The following PTP4A2 variants were observed in gnomAD, a reference collection of about 807,000 sequenced individuals.
The protein encoded by PTP4A2 is protein tyrosine phosphatase 4A2.
Under a neutral mutation model 22.9 loss-of-function variants are expected in PTP4A2, and 2 were observed. The observed-to-expected ratio is 0.09, with a 90% CI of 0.04 to 0.27. The LOEUF (loss-of-function observed/expected upper bound fraction) is 0.27, where lower values mean the gene tolerates loss of function less well. PTP4A2 is among the 10% of genes least tolerant of loss of function. The pLI is 1.00. For synonymous variants in PTP4A2, 68 were observed against 69.1 expected (o/e 0.98, Z 0.08); for missense variants, 103 against 205.1 (o/e 0.50, Z 3.04).
intron 2 of PTP4A2, among the ~76,000 whole-genome samples, chr1:31,918,721 ATGTT>A (rs1165680640): frequency 6.6e-6 from 1 of 152,232 alleles, no homozygotes; most frequent in Non-Finnish European, 1.5e-5. Flanking sequence ...TCATTACTGA[ATGTT>A]TGACCAAAAA....
intron 1 of PTP4A2, among the ~76,000 whole-genome samples, chr1:31,928,899 T>A (rs1211098728): frequency 6.6e-6 from 1 of 152,016 alleles, no homozygotes; most frequent in Non-Finnish European, 1.5e-5. Flanking sequence ...GGCCAGCCAC[T>A]CAGAAAGATA....
intron 1 of PTP4A2, among the ~76,000 whole-genome samples, chr1:31,928,458 G>A (rs1652576651): frequency 6.6e-6 from 1 of 151,502 alleles, no homozygotes; most frequent in Non-Finnish European, 1.5e-5. Context: ...CCAGCACTTT[G>A]GAAGGCCAAG....
intron 1 of PTP4A2, among the ~76,000 whole-genome samples, chr1:31,929,579 T>C (rs1652631334): frequency 1.3e-5 from 2 of 152,186 alleles, no homozygotes; most frequent in Admixed American, 6.5e-5. Flanking sequence ...ATAGGAACTA[T>C]CTCCAATTCA....
intron 3 of PTP4A2, chr1:31,913,040 A>T (rs1350685317): frequency 2.2e-6 from 1 of 454,098 alleles, no homozygotes; most frequent in African/African-American, 2.0e-5. Context: ...AAGAAACAAT[A>T]TAAAACATGC....
intron 2 of PTP4A2, among the ~76,000 whole-genome samples, chr1:31,917,067 C>T (rs1250583637): frequency 6.6e-6 from 1 of 152,230 alleles, no homozygotes; most frequent in East Asian, 1.9e-4. Flanking sequence ...CCAGTGACTA[C>T]CTATCTTCAA....
chr1:31,918,397 C>T (rs12072766), intron 2 of PTP4A2, among the ~76,000 whole-genome samples: 1 of 152,152 alleles, frequency 6.6e-6, no homozygotes, highest in Non-Finnish European at 1.5e-5. Flanking sequence ...CCCTTGTATA[C>T]GATTATTACA....
At position 31,907,127 on chromosome 1, in the gene PTP4A2, A is replaced by G. The variant is rs1380788454; in HGVS notation, c.*1725T>C. ...CACATAGCCGGTCAACATGTGAGGT[A>G]TCATCAGTGTGAGACAAGGTCCCGG... On this transcript the variant is annotated 3_prime_UTR_variant, in exon 6 of 6. Transcript: ENST00000647444. The G allele has an allele frequency of 6.6e-6, 1 of 152,222 alleles. No homozygotes were observed. The highest frequency in any genetic ancestry group is 1.5e-5 in the Non-Finnish European group (1 of 68,042). 9.4% of individuals were successfully genotyped at this position (152,222 alleles called of 1,614,324 possible). A position where few individuals can be genotyped will look rare whatever the true frequency, so the allele number is the denominator to read the frequency against.
chr1:31,928,426 G>A (rs1020555266), intron 1 of PTP4A2, among the ~76,000 whole-genome samples: 3 of 151,460 alleles, frequency 2.0e-5, no homozygotes, highest in Admixed American at 1.3e-4. Context: ...TTGGCCGGGC[G>A]CGATGGCTTA....
At chr1:31,916,011 ATGG>A in intron 2 of PTP4A2, 24 bp from the exon 3 acceptor site, 1 of 1,469,326 alleles carries the variant, frequency 6.8e-7, no homozygotes, top group Non-Finnish European at 9.3e-7. Flanking sequence ...AAAAATTATA[ATGG>A]AACTTGTTTT....
chr1:31,937,292 CAGA>C (rs1213904563), intron 1 of PTP4A2, among the ~76,000 whole-genome samples: 1 of 152,084 alleles, frequency 6.6e-6, no homozygotes, highest in African/African-American at 2.4e-5. Flanking sequence ...ATCCCAGAGC[CAGA>C]AGATCATAGT....
rs56981526 is a variant in PTP4A2 at position 31,908,236 on chromosome 1, GTTTTTT to G, written c.*610_*615del. 1.5e-4 allele frequency: 7 copies of G among 47,824 alleles called. No homozygotes were observed. Among genetic ancestry groups the G allele is most frequent in the African/African-American group, 6.2e-4 (7 of 11,244 alleles). 3.0% of individuals were successfully genotyped at this position (47,824 alleles called of 1,614,324 possible). On this transcript the variant is annotated 3_prime_UTR_variant, in exon 6 of 6. Transcript: ENST00000647444. ...TGCTGTTTTTTTGGTGTTGTTTTTTGTTTTTTTTTTTTTTTTATCTAAAAGTGCCCA... is the reference window on the plus strand; with the variant it reads ...TGCTGTTTTTTTGGTGTTGTTTTTTGTTTTTTTTTTATCTAAAAGTGCCCA...
chr1:31,918,874 T>C, intron 2 of PTP4A2, 96 bp downstream of exon 2: 1 of 739,172 alleles, frequency 1.4e-6, no homozygotes, highest in Non-Finnish European at 2.4e-6. Context: ...GCAGGATGAC[T>C]CCAAATACAG....
In PTP4A2 at chr1:31,908,582, C is replaced by T. The variant is rs111570278; in HGVS notation, c.*270G>A. On this transcript the variant is annotated 3_prime_UTR_variant, in exon 6 of 6. Transcript: ENST00000647444. ...CAGGAGATTTCAAAATAATTCAATC[C>T]TGGCAGAAATTCAAACTCCAAAACT... 4,740 of 299,166 alleles carry T rather than the reference C, an allele frequency of 0.016. 211 individuals are homozygous for T. Among genetic ancestry groups the T allele is most frequent in the African/African-American group, 0.093 (4,217 of 45,454 alleles). 18.5% of individuals were successfully genotyped at this position (299,166 alleles called of 1,614,324 possible).
intron 2 of PTP4A2, among the ~76,000 whole-genome samples, chr1:31,917,834 T>C (rs575408594): frequency 2.1e-5 from 3 of 142,076 alleles, no homozygotes; most frequent in African/African-American, 8.0e-5. Context: ...ATTAGCTGGG[T>C]GTGGTGGCGC....
intron 1 of PTP4A2, among the ~76,000 whole-genome samples, chr1:31,928,224 AT>A (rs1652560573): frequency 9.7e-6 from 1 of 102,804 alleles, no homozygotes; most frequent in South Asian, 4.5e-4. Flanking sequence ...TATAAATATA[AT>A]AATATAATAT....
intron 2 of PTP4A2, among the ~76,000 whole-genome samples, chr1:31,916,282 T>C (rs1274306378): frequency 6.9e-6 from 1 of 144,234 alleles, no homozygotes; most frequent in Admixed American, 7.2e-5. Flanking sequence ...GAGGCAGATA[T>C]TGCAGTGAGC....
chr1:31,928,119 A>G (rs779491273), intron 1 of PTP4A2, among the ~76,000 whole-genome samples: 99 of 149,702 alleles, frequency 6.6e-4, no homozygotes, highest in Non-Finnish European at 1.2e-3. Context: ...CATTTATCAA[A>G]CTAAAATAAT....
At chr1:31,934,885 T>G (rs978504687) in intron 1 of PTP4A2, among the ~76,000 whole-genome samples, 1 of 152,218 alleles carries the variant, frequency 6.6e-6, no homozygotes, top group Admixed American at 6.5e-5. Flanking sequence ...GGCCTGACTT[T>G]TGCTGTTCTG....
intron 1 of PTP4A2, among the ~76,000 whole-genome samples, chr1:31,923,421 G>A (rs12069522): frequency 2.1e-3 from 291 of 138,682 alleles, no homozygotes; most frequent in African/African-American, 7.4e-3. Flanking sequence ...TGCAAGCTCC[G>A]CCTCCCGGGT....
Sources: allele counts gnomAD v4.1 joint callset (sites outside exome capture counted in the v4.1 genomes callset), GRCh38; gene constraint gnomAD v4.1.1; transcripts MANE v1.5; gene names NCBI Gene and HGNC (gene_info 2026-07-23, HGNC 2026-07-21).